The following PDE1A variants were observed in gnomAD, a reference collection of about 807,000 sequenced individuals.
PDE1A encodes phosphodiesterase 1A, also known as dual specificity calcium/calmodulin-dependent 3',5'-cyclic nucleotide phosphodiesterase 1A.
PDE1A carries 35 observed loss-of-function variants against 61.7 expected under a neutral mutation model. The observed-to-expected ratio is 0.57, with a 90% CI of 0.43 to 0.75. The LOEUF (loss-of-function observed/expected upper bound fraction) is 0.75, where lower values mean the gene tolerates loss of function less well. PDE1A is among the 30% of genes least tolerant of loss of function. The pLI, the probability that PDE1A is intolerant of heterozygous loss-of-function variation, is 0.00. For missense variants in PDE1A, 597 were observed against 630.6 expected (o/e 0.95, Z 0.57); for synonymous variants, 232 against 213.2 (o/e 1.09, Z -0.77).
intron 2 of PDE1A, among the ~76,000 whole-genome samples, chr2:182,483,449 A>G (rs980661723): frequency 3.3e-5 from 5 of 151,810 alleles, no homozygotes; most frequent in Non-Finnish European, 7.4e-5. Flanking sequence ...GAAATCATTC[A>G]GGTATTGTCC....
At chr2:182,498,500 T>C (rs1384378779) in intron 2 of PDE1A, among the ~76,000 whole-genome samples, 1 of 150,090 alleles carries the variant, frequency 6.7e-6, no homozygotes, top group Non-Finnish European at 1.5e-5. Context: ...ATCCAAGAGG[T>C]GCAAACTAAA....
chr2:182,481,176 G>T (rs1272909736), intron 2 of PDE1A, among the ~76,000 whole-genome samples: 1 of 151,898 alleles, frequency 6.6e-6, no homozygotes, highest in Non-Finnish European at 1.5e-5. Context: ...AACAAGACTG[G>T]TTTTTTTAAA....
At chr2:182,238,753 A>T (rs1284409338) in intron 3 of PDE1A, among the ~76,000 whole-genome samples, 3 of 152,226 alleles carry the variant, frequency 2.0e-5, no homozygotes, top group African/African-American at 7.2e-5. Context: ...GAACAATTTT[A>T]TACTTTTATA....
chr2:182,391,535 A>G (rs1223323516), intron 1 of PDE1A, among the ~76,000 whole-genome samples: 1 of 152,184 alleles, frequency 6.6e-6, no homozygotes, highest in Non-Finnish European at 1.5e-5. Context: ...CCCTTCACCA[A>G]TACCTTGCAA....
chr2:182,572,660 G>A, the PDE1A span, among the ~76,000 whole-genome samples: 1,309 of 152,158 alleles, frequency 8.6e-3, 16 homozygotes, highest in African/African-American at 0.029. Context: ...CACGAGGTCA[G>A]GAGATCGAGA....
chr2:182,164,819 A>T (rs1333307329), downstream of PDE1A, among the ~76,000 whole-genome samples: 1 of 152,144 alleles, frequency 6.6e-6, no homozygotes, highest in Non-Finnish European at 1.5e-5. Flanking sequence ...ACTGGCATAG[A>T]CACTTAGTAT....
chr2:182,478,159 T>C (rs1438001803), intron 2 of PDE1A, among the ~76,000 whole-genome samples: 4 of 151,926 alleles, frequency 2.6e-5, no homozygotes, highest in African/African-American at 7.2e-5. Flanking sequence ...GTGTTTCTTT[T>C]AAGTAGAATT....
At chr2:182,324,206 A>T (rs1696897785) in intron 1 of PDE1A, among the ~76,000 whole-genome samples, 1 of 152,152 alleles carries the variant, frequency 6.6e-6, no homozygotes, top group South Asian at 2.1e-4. Flanking sequence ...TTCGTTGAGG[A>T]GGGGATAATA....
intron 13 of PDE1A, among the ~76,000 whole-genome samples, chr2:182,151,247 C>G (rs1230705909): frequency 6.6e-6 from 1 of 152,124 alleles, no homozygotes; most frequent in Non-Finnish European, 1.5e-5. Context: ...GCCACCACAC[C>G]CAGCTAATTT....
intron 1 of PDE1A, among the ~76,000 whole-genome samples, chr2:182,309,408 C>T (rs897593737): frequency 6.6e-6 from 1 of 151,994 alleles, no homozygotes; most frequent in Non-Finnish European, 1.5e-5. Context: ...CTAACCAAAA[C>T]TTAAGGCATC....
chr2:182,242,053 G>C (rs1435070546), intron 2 of PDE1A: 1 of 1,296,176 alleles, frequency 7.7e-7, no homozygotes, highest in Non-Finnish European at 9.8e-7. Flanking sequence ...AAGTGGAATA[G>C]GAATCATTGT....
intron 2 of PDE1A, among the ~76,000 whole-genome samples, chr2:182,436,939 C>A (rs897669376): frequency 4.6e-5 from 7 of 151,872 alleles, no homozygotes; most frequent in African/African-American, 1.7e-4. Context: ...AGCACCTTGG[C>A]CAACCATATT....
At chr2:182,522,049 A>G (rs1037391066) in intron 2 of PDE1A, among the ~76,000 whole-genome samples, 1 of 152,164 alleles carries the variant, frequency 6.6e-6, no homozygotes, top group Non-Finnish European at 1.5e-5. Context: ...ACCATGTAAT[A>G]TGACAGTAAA....
At position 182,489,475 on chromosome 2, in the gene PDE1A, T is replaced by C. The variant is rs532589054; in HGVS notation, c.101+32801A>G. On this transcript the variant is annotated intron_variant, in intron 2 of 14. Transcript: ENST00000410103. Reference sequence around the variant, plus strand: ...GTGGAAGAGTGGATTAGGGAGACCGTAGCAGGCCATGGCAGGTGGGAGTAT... The same window carrying C: ...GTGGAAGAGTGGATTAGGGAGACCGCAGCAGGCCATGGCAGGTGGGAGTAT... 2.0e-5 allele frequency among the ~76,000 whole-genome samples: 3 copies of C among 152,286 alleles called. No individual in the cohort carries two copies. The South Asian group carries it at 6.2e-4, about 32-fold the overall frequency.
At chr2:182,491,909 T>C (rs931415547) in intron 2 of PDE1A, among the ~76,000 whole-genome samples, 31 of 152,180 alleles carry the variant, frequency 2.0e-4, no homozygotes, top group Non-Finnish European at 1.6e-4. Context: ...TCATTCTACA[T>C]TGTGCATTCA....
chr2:182,207,929 T>G (rs1422071078), intron 7 of PDE1A, among the ~76,000 whole-genome samples: 1 of 152,232 alleles, frequency 6.6e-6, no homozygotes, highest in African/African-American at 2.4e-5. Context: ...GCCCCAAGCC[T>G]TGGTGGCTTC....
intron 1 of PDE1A, among the ~76,000 whole-genome samples, chr2:182,337,746 G>T (rs958834314): frequency 5.9e-5 from 9 of 152,026 alleles, no homozygotes; most frequent in Non-Finnish European, 1.2e-4. Flanking sequence ...TGTCAAATTG[G>T]ACTTAATGAA....
intron 1 of PDE1A, among the ~76,000 whole-genome samples, chr2:182,299,865 C>T (rs897411898): frequency 1.6e-4 from 24 of 152,148 alleles, no homozygotes; most frequent in Admixed American, 9.8e-4. Context: ...TTGATCATTT[C>T]GACATCCTTC....
the PDE1A span, among the ~76,000 whole-genome samples, chr2:182,651,227 G>A: frequency 6.6e-6 from 1 of 152,106 alleles, no homozygotes; most frequent in African/African-American, 2.4e-5. Flanking sequence ...GCCTGGTCTT[G>A]AACTCCTGAC....
Sources: gnomAD v4.1 joint callset for allele counts (sites outside exome capture counted in the v4.1 genomes callset) on GRCh38, gnomAD v4.1.1 for gene constraint, MANE v1.5 for transcripts, NCBI Gene and HGNC (gene_info 2026-07-23, HGNC 2026-07-21) for gene names.